The following BPIFC variants were observed in gnomAD, a reference collection of about 807,000 sequenced individuals.
BPIFC encodes BPI fold containing family C, also known as BPI fold-containing family C protein.
Under a neutral mutation model 57.6 loss-of-function variants are expected in BPIFC, and 60 were observed. The observed-to-expected ratio is 1.04, with a 90% CI of 0.85 to 1.29. The LOEUF is 1.29. Ranked by LOEUF, BPIFC falls within the 50% of genes most tolerant of loss-of-function variation. The pLI is 0.00. For synonymous variants in BPIFC, 243 were observed against 224.5 expected (o/e 1.08, Z -0.74); for missense variants, 581 against 600.5 (o/e 0.97, Z 0.34).
intron 16 of BPIFC, 99 bp from the exon 17 acceptor site, chr22:32,414,524 A>G: frequency 7.0e-7 from 1 of 1,421,868 alleles, no homozygotes; most frequent in Non-Finnish European, 9.4e-7. Flanking sequence ...TTATTATTTT[A>G]ATTTTGAGAT....
chr22:32,436,367 GGAGGAGGAGGAA>G (rs1569451475), intron 9 of BPIFC, among the ~76,000 whole-genome samples: 22 of 86,126 alleles, frequency 2.6e-4, no homozygotes, highest in African/African-American at 5.2e-4. Flanking sequence ...AGGAGGAGGA[GGAGGAGGAGGAA>G]GAGGAGGAGG....
chr22:32,418,131 T>C (rs971942492), intron 14 of BPIFC, among the ~76,000 whole-genome samples: 3 of 152,192 alleles, frequency 2.0e-5, no homozygotes, highest in African/African-American at 7.2e-5. Flanking sequence ...TAGTGGCCAC[T>C]GTTCATTTAA....
intron 1 of BPIFC, among the ~76,000 whole-genome samples, chr22:32,462,830 G>T (rs1460095306): frequency 2.0e-5 from 3 of 152,078 alleles, no homozygotes; most frequent in Non-Finnish European, 4.4e-5. Context: ...TTTTGTTGTT[G>T]TTGTTTAAAA....
chr22:32,435,105 T>C (rs1934353042), intron 10 of BPIFC, among the ~76,000 whole-genome samples: 1 of 152,150 alleles, frequency 6.6e-6, no homozygotes, highest in Non-Finnish European at 1.5e-5. Context: ...ACTCTATGAG[T>C]AAGGAACTAT....
intron 4 of BPIFC, among the ~76,000 whole-genome samples, chr22:32,452,409 G>A (rs553816384): frequency 5.3e-5 from 8 of 152,242 alleles, no homozygotes; most frequent in East Asian, 1.9e-4. Flanking sequence ...GGCCAAAGGC[G>A]GCCGATCACT....
rs569794866 is a variant in BPIFC at position 32,442,857 on chromosome 22, G to C, written c.595-126C>G. On this transcript the variant is annotated intron_variant, in intron 7 of 16. Transcript: ENST00000300399. ...CAGTCATTATCCCTTTGGTCATCGA[G>C]ACATTCTCTTAAATTTGTTGATGTC... 3.6e-4 allele frequency: 312 copies of C among 872,930 alleles called. 1 individual carries two copies. In the African/African-American group the frequency reaches 4.6e-3, roughly 13 times the overall value. The allele number at this position is 872,930 out of a possible 1,614,324, so 54.1% of individuals were successfully genotyped here.
At chr22:32,455,134 T>C (rs1406004563) in intron 3 of BPIFC, among the ~76,000 whole-genome samples, 6 of 140,654 alleles carry the variant, frequency 4.3e-5, no homozygotes, top group Non-Finnish European at 4.5e-5. Context: ...CACTGCAACC[T>C]CTGCCTCCTG....
intron 14 of BPIFC, 84 bp from the exon 15 acceptor site, chr22:32,417,232 G>C (rs1933707824): frequency 1.0e-6 from 1 of 983,192 alleles, no homozygotes; most frequent in Non-Finnish European, 1.6e-6. Context: ...CTGGAGTGCA[G>C]TAGTGTGATC....
At chr22:32,453,311 G>A in intron 4 of BPIFC, 72 bp downstream of exon 4, 3 of 1,059,900 alleles carry the variant, frequency 2.8e-6, no homozygotes, top group South Asian at 1.7e-5. Flanking sequence ...AAATCGTGGG[G>A]CTTCCATAGA....
chr22:32,450,776 G>C (rs1934875754), intron 4 of BPIFC, among the ~76,000 whole-genome samples: 1 of 151,788 alleles, frequency 6.6e-6, no homozygotes, highest in Non-Finnish European at 1.5e-5. Flanking sequence ...GGAGCATTTT[G>C]GATTTTTGGA....
chr22:32,462,207 GA>G (rs1215117021), intron 1 of BPIFC, among the ~76,000 whole-genome samples: 52 of 121,396 alleles, frequency 4.3e-4, no homozygotes, highest in African/African-American at 7.0e-4. Flanking sequence ...AGAAAAAAAA[GA>G]AAAAAAAAAG....
intron 13 of BPIFC, among the ~76,000 whole-genome samples, chr22:32,424,059 C>T (rs1933927399): frequency 6.6e-6 from 1 of 151,924 alleles, no homozygotes. Context: ...ACTAGTACTA[C>T]TAGGAACAAA....
At chr22:32,446,641 A>T in intron 5 of BPIFC, 1 of 534,602 alleles carries the variant, frequency 1.9e-6, no homozygotes, top group Non-Finnish European at 2.4e-6. Flanking sequence ...TGGAAGAATG[A>T]ATGTGTTATC....
In BPIFC at chr22:32,425,881, T is replaced by C. The variant is rs57594248; in HGVS notation, c.1217+5466A>G. 3.6e-3 allele frequency among the ~76,000 whole-genome samples: 549 copies of C among 152,348 alleles called. 7 individuals carry two copies. The highest frequency in any genetic ancestry group is 0.013 in the African/African-American group (534 of 41,590). On this transcript the variant is annotated intron_variant, in intron 13 of 16. Transcript: ENST00000300399. ...CACACTTTACCTGTATTAACTCTCA[T>C]ACTTCTCACAACCTTCTCCTGAAGT...
intron 7 of BPIFC, among the ~76,000 whole-genome samples, chr22:32,445,399 T>C (rs1934691576): frequency 1.3e-5 from 2 of 152,014 alleles, no homozygotes; most frequent in Admixed American, 1.3e-4. Context: ...TAGCCGGGCA[T>C]GGTGGCGGGC....
intron 11 of BPIFC, among the ~76,000 whole-genome samples, chr22:32,433,416 T>C (rs922089733): frequency 1.3e-5 from 2 of 151,886 alleles, no homozygotes; most frequent in Non-Finnish European, 2.9e-5. Flanking sequence ...CATTTAAGAA[T>C]TGAATCCTTC....
chr22:32,429,456 T>G (rs1307598229), intron 13 of BPIFC, among the ~76,000 whole-genome samples: 1 of 148,786 alleles, frequency 6.7e-6, no homozygotes, highest in African/African-American at 2.5e-5. Context: ...TCCGCTCGCC[T>G]CAGCCTCCCA....
chr22:32,446,771 C>T, intron 5 of BPIFC: 1 of 985,384 alleles, frequency 1.0e-6, no homozygotes, highest in Non-Finnish European at 1.2e-6. Flanking sequence ...GGTGCAAAGG[C>T]CTTCCAGTTG....
chr22:32,455,348 C>T (rs1214024482), intron 3 of BPIFC, among the ~76,000 whole-genome samples: 1 of 152,060 alleles, frequency 6.6e-6, no homozygotes, highest in African/African-American at 2.4e-5. Context: ...CACGCCTGGC[C>T]TTCCATTTAA....
Sources: gnomAD v4.1 joint callset for allele counts (sites outside exome capture counted in the v4.1 genomes callset) on GRCh38, gnomAD v4.1.1 for gene constraint, MANE v1.5 for transcripts, NCBI Gene and HGNC (gene_info 2026-07-23, HGNC 2026-07-21) for gene names.